ARMC9: variants seen among roughly 807,000 people sequenced by gnomAD.
ARMC9 encodes the protein lisH domain-containing protein ARMC9.
A neutral mutation model predicts 107.0 loss-of-function variants in ARMC9; 94 were observed. The observed-to-expected ratio is 0.88, with a 90% CI of 0.74 to 1.04. The LOEUF (loss-of-function observed/expected upper bound fraction) is 1.04. Among genes scored for constraint, ARMC9 ranks in the 50% least tolerant of loss-of-function variants. The pLI, the probability that ARMC9 is intolerant of heterozygous loss-of-function variation, is 0.00. For missense variants in ARMC9, 942 were observed against 1,030.1 expected, an observed-to-expected ratio of 0.91 and a Z score of 1.17; for synonymous variants, 380 against 396.9, an observed-to-expected ratio of 0.96 and a Z score of 0.51.
intron 23 of ARMC9, among the ~76,000 whole-genome samples, chr2:231,367,840 G>A (rs913595837): frequency 1.4e-4 from 21 of 151,712 alleles, no homozygotes; most frequent in Non-Finnish European, 8.8e-5. Context: ...AAAATTAGCC[G>A]GGCGTGGTGG....
intron 18 of ARMC9, among the ~76,000 whole-genome samples, chr2:231,292,405 G>A (rs1361363225): frequency 1.3e-5 from 2 of 152,100 alleles, no homozygotes; most frequent in Non-Finnish European, 2.9e-5. Flanking sequence ...GAAAGCAAAT[G>A]CCACTGTAAG....
chr2:231,227,641 A>C (rs1449478032), intron 7 of ARMC9, among the ~76,000 whole-genome samples: 1 of 152,252 alleles, frequency 6.6e-6, no homozygotes, highest in African/African-American at 2.4e-5. Context: ...CTTTTAAAGA[A>C]AGGAAGCATT....
chr2:231,229,798 A>G (rs1256597514), intron 7 of ARMC9, among the ~76,000 whole-genome samples: 3 of 152,208 alleles, frequency 2.0e-5, no homozygotes, highest in African/African-American at 7.2e-5. Flanking sequence ...AGCTTTTCAT[A>G]GTGGGTGAGA....
At chr2:231,226,281 C>T (rs1213184819) in intron 6 of ARMC9, among the ~76,000 whole-genome samples, 6 of 152,226 alleles carry the variant, frequency 3.9e-5, no homozygotes, top group Non-Finnish European at 8.8e-5. Context: ...TTCAGTCATG[C>T]AGCCAGACGT....
chr2:231,243,477 C>T (rs1012154299), intron 9 of ARMC9, among the ~76,000 whole-genome samples: 2 of 152,266 alleles, frequency 1.3e-5, no homozygotes, highest in South Asian at 4.2e-4. Flanking sequence ...GGGTACAACA[C>T]AGCTGGTTAT....
intron 9 of ARMC9, among the ~76,000 whole-genome samples, chr2:231,251,460 C>T (rs984517650): frequency 2.0e-5 from 3 of 152,140 alleles, no homozygotes; most frequent in African/African-American, 4.8e-5. Flanking sequence ...CCACTGCACC[C>T]GGCCTGGCCA....
chr2:231,310,756 A>T (rs1015271327), intron 19 of ARMC9, among the ~76,000 whole-genome samples: 1 of 151,674 alleles, frequency 6.6e-6, no homozygotes, highest in South Asian at 2.1e-4. Flanking sequence ...AAAAAAAAAA[A>T]GGTAAGCTGT....
chr2:231,355,643 G>A (rs561855022), intron 21 of ARMC9, among the ~76,000 whole-genome samples, 155 bp from the exon 22 acceptor site: 19 of 152,358 alleles, frequency 1.2e-4, no homozygotes, highest in Non-Finnish European at 2.5e-4. Context: ...CCTGGCTCCT[G>A]CCAAGACCCT....
At position 231,256,578 on chromosome 2, in the gene ARMC9, C is replaced by T. The variant is rs535773953; in HGVS notation, c.880-8C>T. ...ACCATCTGTTTTCTTCTGTCCTCTTCCCCCCAGGCATCCACCATGTTACGA... is the reference window on the plus strand; with the variant it reads ...ACCATCTGTTTTCTTCTGTCCTCTTTCCCCCAGGCATCCACCATGTTACGA... On this transcript the variant is annotated splice_polypyrimidine_tract_variant and splice_region_variant and intron_variant, in intron 9 of 24. Transcript: ENST00000611582. The T allele has an allele frequency of 1.2e-6, 2 of 1,613,600 alleles. No individual in the cohort carries two copies. Among genetic ancestry groups the T allele is most frequent in the East Asian group, 2.2e-5 (1 of 44,882 alleles).
chr2:231,304,397 A>G (rs2041931888), intron 19 of ARMC9, among the ~76,000 whole-genome samples: 1 of 152,118 alleles, frequency 6.6e-6, no homozygotes, highest in African/African-American at 2.4e-5. Flanking sequence ...AGTTTTTCCA[A>G]ATTTTTTGTT....
chr2:231,232,182 C>T (rs753773066), intron 7 of ARMC9, among the ~76,000 whole-genome samples: 5 of 151,514 alleles, frequency 3.3e-5, no homozygotes, highest in African/African-American at 9.7e-5. Context: ...TGCGCCACCA[C>T]GCCCGGCTAA....
At chr2:231,327,785 G>GT (rs1002743639) in intron 19 of ARMC9, among the ~76,000 whole-genome samples, 33 of 151,910 alleles carry the variant, frequency 2.2e-4, no homozygotes, top group South Asian at 6.3e-4. Flanking sequence ...TTTTGTTTTT[G>GT]TTTTTTTGGT....
At chr2:231,335,363 G>T (rs2125564405) in intron 20 of ARMC9, among the ~76,000 whole-genome samples, 1 of 152,322 alleles carries the variant, frequency 6.6e-6, no homozygotes, top group Middle Eastern at 3.4e-3. Context: ...AGCAGCTTGG[G>T]AGTAAGGGTG....
intron 6 of ARMC9, among the ~76,000 whole-genome samples, chr2:231,223,778 C>G (rs1338653100): frequency 3.9e-5 from 6 of 152,182 alleles, no homozygotes; most frequent in Non-Finnish European, 5.9e-5. Flanking sequence ...CTGAGCCGAA[C>G]GGACTGATCT....
rs1250473051 is a variant in ARMC9, at chr2:231,256,701, C to T, written c.914+81C>T. 3.2e-5 allele frequency: 46 copies of T among 1,458,164 alleles called. No homozygotes were observed. The East Asian group carries it at 7.9e-4, about 25-fold the overall frequency. The allele number at this position is 1,458,164 out of a possible 1,614,324, so 90.3% of individuals were successfully genotyped here. On this transcript the variant is annotated intron_variant, in intron 10 of 24. Coordinates refer to ENST00000611582, the MANE Select transcript of ARMC9 (RefSeq NM_001352754.2). ...GAATTCAAAGTGTCTTTAATAAACA[C>T]TTAGCAGCCTAGGTTAGAGGAATGC...
intron 18 of ARMC9, 151 bp from the exon 19 acceptor site, chr2:231,296,047 A>G: frequency 2.1e-6 from 1 of 476,100 alleles, no homozygotes; most frequent in Non-Finnish European, 3.7e-6. Flanking sequence ...AGTGACTGAA[A>G]TGGTTGTGAT....
chr2:231,276,089 A>C (rs1380977255), intron 14 of ARMC9, among the ~76,000 whole-genome samples: 1 of 152,218 alleles, frequency 6.6e-6, no homozygotes, highest in Non-Finnish European at 1.5e-5. Context: ...TAAATATTGA[A>C]AAGGAAACTT....
At chr2:231,306,104 A>C (rs2042022080) in intron 19 of ARMC9, among the ~76,000 whole-genome samples, 1 of 152,206 alleles carries the variant, frequency 6.6e-6, no homozygotes, top group South Asian at 2.1e-4. Context: ...GACAGCTTTC[A>C]TCATATTTAT....
Position 231,328,665 on chromosome 2 carries a change from C to G in ARMC9, c.1774-3128C>G, listed in dbSNP as rs62197357. Reference sequence around the variant, plus strand: ...TTGTGTAGGTCCATTTTGGAGTTCTCTGTTCCATTCCATTGATCTATGTGT... The same window carrying G: ...TTGTGTAGGTCCATTTTGGAGTTCTGTGTTCCATTCCATTGATCTATGTGT... On this transcript the variant is annotated intron_variant, in intron 19 of 24. Coordinates refer to ENST00000611582, the MANE Select transcript of ARMC9 (RefSeq NM_001352754.2). Among the ~76,000 whole-genome samples, 751 of 151,942 alleles carry G rather than the reference C, an allele frequency of 4.9e-3. 4 individuals are homozygous for G. The highest frequency in any genetic ancestry group is 7.9e-3 in the South Asian group (38 of 4,792).
Sources: allele counts gnomAD v4.1 joint callset (sites outside exome capture counted in the v4.1 genomes callset), GRCh38; gene constraint gnomAD v4.1.1; transcripts MANE v1.5; gene names NCBI Gene and HGNC (gene_info 2026-07-23, HGNC 2026-07-21).